Variants in RRAS2 observed in about 807,000 individuals in gnomAD.
RRAS2 encodes the protein RAS related 2, also known as ras-related protein R-Ras2.
RRAS2 carries 7 observed loss-of-function variants against 27.6 expected under a neutral mutation model. That is an observed-to-expected ratio of 0.25 (90% CI 0.14 to 0.48). The LOEUF is 0.48. RRAS2 is among the 20% of genes least tolerant of loss of function. The pLI, the probability that RRAS2 is intolerant of heterozygous loss-of-function variation, is 0.99. For missense variants in RRAS2, 178 were observed against 256.2 expected (o/e 0.69, Z 2.08); for synonymous variants, 86 against 90.9 (o/e 0.95, Z 0.31).
At chr11:14,328,367 A>C (rs1848411310) in intron 1 of RRAS2, among the ~76,000 whole-genome samples, 1 of 11,362 alleles carries the variant, frequency 8.8e-5, no homozygotes, top group Non-Finnish European at 4.9e-4. Flanking sequence ...ACTCCAACTC[A>C]AAAAAAAAAA....
intron 1 of RRAS2, among the ~76,000 whole-genome samples, chr11:14,336,835 T>G (rs1848597488): frequency 6.6e-6 from 1 of 152,126 alleles, no homozygotes; most frequent in Admixed American, 6.5e-5. Flanking sequence ...AAATAACAGC[T>G]GAAAACTTCC....
intron 1 of RRAS2, among the ~76,000 whole-genome samples, chr11:14,331,668 A>G (rs1159057933): frequency 7.0e-6 from 1 of 142,290 alleles, no homozygotes; most frequent in Non-Finnish European, 1.5e-5. Context: ...GAGATCCCCA[A>G]CTCTTAAAAA....
intron 4 of RRAS2, among the ~76,000 whole-genome samples, chr11:14,287,369 A>G (rs868935392): frequency 1.3e-5 from 2 of 152,198 alleles, no homozygotes; most frequent in Non-Finnish European, 2.9e-5. Context: ...TAAAATATAT[A>G]TATATACACA....
intron 1 of RRAS2, among the ~76,000 whole-genome samples, chr11:14,314,490 T>C (rs1261109667): frequency 2.0e-5 from 3 of 152,216 alleles, no homozygotes; most frequent in African/African-American, 7.2e-5. Context: ...TTAACGAATT[T>C]TATTCAAGAG....
chr11:14,357,279 TCTC>T (rs1445595325), intron 1 of RRAS2, among the ~76,000 whole-genome samples: 4 of 152,002 alleles, frequency 2.6e-5, no homozygotes, highest in African/African-American at 4.8e-5. Context: ...CTCCTAGACT[TCTC>T]CTCCACTTAT....
chr11:14,328,668 AT>A (rs375300285), intron 1 of RRAS2, among the ~76,000 whole-genome samples: 222 of 146,234 alleles, frequency 1.5e-3, no homozygotes, highest in African/African-American at 3.6e-3. Context: ...ACATACACCA[AT>A]TTTTTTTTTT....
At chr11:14,329,353 A>T (rs1848438982) in intron 1 of RRAS2, among the ~76,000 whole-genome samples, 2 of 152,128 alleles carry the variant, frequency 1.3e-5, no homozygotes, top group African/African-American at 4.8e-5. Flanking sequence ...ACCTCAAGTG[A>T]TCCACCCGCC....
chr11:14,324,983 A>G (rs1228085891), intron 1 of RRAS2, among the ~76,000 whole-genome samples: 9 of 152,242 alleles, frequency 5.9e-5, no homozygotes, highest in African/African-American at 2.2e-4. Flanking sequence ...TAAAGGGTTC[A>G]TAAATCTCTA....
intron 4 of RRAS2, among the ~76,000 whole-genome samples, chr11:14,294,141 C>T (rs1554946209): frequency 1.3e-5 from 2 of 152,078 alleles, no homozygotes; most frequent in African/African-American, 4.8e-5. Context: ...TGAAATTATC[C>T]AACTAAGTTA....
chr11:14,279,926 A>G (rs1849476280), intron 5 of RRAS2, among the ~76,000 whole-genome samples: 1 of 152,220 alleles, frequency 6.6e-6, no homozygotes, highest in African/African-American at 2.4e-5. Flanking sequence ...ATGTTAGAAT[A>G]TATCTAATAG....
At chr11:14,334,266 G>T (rs1409849775) in intron 1 of RRAS2, among the ~76,000 whole-genome samples, 1 of 151,948 alleles carries the variant, frequency 6.6e-6, no homozygotes, top group Non-Finnish European at 1.5e-5. Flanking sequence ...TTTAAAAATC[G>T]TTTATTGTTT....
chr11:14,290,170 G>T (rs1218264832), intron 4 of RRAS2, among the ~76,000 whole-genome samples: 1 of 152,184 alleles, frequency 6.6e-6, no homozygotes, highest in Non-Finnish European at 1.5e-5. Flanking sequence ...GTAAAAACCG[G>T]CTGGGCGCAG....
At chr11:14,301,112 T>C (rs894648414) in intron 1 of RRAS2, among the ~76,000 whole-genome samples, 31 of 151,940 alleles carry the variant, frequency 2.0e-4, no homozygotes, top group Middle Eastern at 3.4e-3. Flanking sequence ...TCTAAAACCA[T>C]AGGGTATAGA....
At chr11:14,330,836 A>AT (rs1848467960) in intron 1 of RRAS2, among the ~76,000 whole-genome samples, 1 of 152,348 alleles carries the variant, frequency 6.6e-6, no homozygotes, top group African/African-American at 2.4e-5. Context: ...TAGAAAACTG[A>AT]ATCAACAGGA....
At chr11:14,361,151 G>A (rs1347414216), upstream of RRAS2, among the ~76,000 whole-genome samples, 4 of 152,108 alleles carry the variant, frequency 2.6e-5, no homozygotes, top group Non-Finnish European at 4.4e-5. Context: ...TTAGCTGGGC[G>A]TGGTACACGC....
intron 5 of RRAS2, among the ~76,000 whole-genome samples, chr11:14,280,488 G>A (rs1214088830): frequency 6.6e-6 from 1 of 152,010 alleles, no homozygotes; most frequent in Non-Finnish European, 1.5e-5. Context: ...AGCACTTTGG[G>A]AGGCTGAGGC....
At chr11:14,286,605 T>A (rs766474084) in intron 4 of RRAS2, among the ~76,000 whole-genome samples, 9 of 152,252 alleles carry the variant, frequency 5.9e-5, no homozygotes, top group Non-Finnish European at 1.0e-4. Context: ...CAGTTTAATA[T>A]TCTATTCCAA....
Position 14,358,865 on chromosome 11 carries a change from G to T in RRAS2, c.6C>A (p.Ala2=). 1 of 1,465,428 alleles carries T rather than the reference G, an allele frequency of 6.8e-7. No individual in the cohort carries two copies. Among genetic ancestry groups the T allele is most frequent in the Non-Finnish European group, 9.1e-7 (1 of 1,100,794 alleles). The allele number at this position is 1,465,428 out of a possible 1,614,324, so 90.8% of individuals were successfully genotyped here. M[A]AAGWRDGSGQ... ...CGGAGCCGTCCCGCCAGCCGGCCGC[G>T]GCCATGGGGACGCTACAGAGCCCAG... Residue 2 remains alanine (A), a synonymous_variant, in exon 1 of 6, where the codon GCC becomes GCA. Transcript: ENST00000256196. The surrounding 1 kb of genome is among the most constrained non-coding windows in gnomAD (Gnocchi z 5.1).
chr11:14,279,322 A>G lies in RRAS2; in HGVS notation c.*15T>C. On this transcript the variant is annotated 3_prime_UTR_variant, in exon 6 of 6. Coordinates refer to ENST00000256196, the MANE Select transcript of RRAS2 (RefSeq NM_012250.6). Reference sequence around the variant, plus strand: ...GGGCTTTTCCTGGCCGTTGGTAGCTAAAACTGAAGGGATTCTAGAAAATGA... The same window carrying G: ...GGGCTTTTCCTGGCCGTTGGTAGCTGAAACTGAAGGGATTCTAGAAAATGA... 6.3e-7 allele frequency: 1 copy of G among 1,577,310 alleles called. No individual in the cohort carries two copies. Among genetic ancestry groups the G allele is most frequent in the South Asian group, 1.1e-5 (1 of 90,272 alleles).
Sources: gnomAD v4.1 joint callset for allele counts (sites outside exome capture counted in the v4.1 genomes callset) on GRCh38, gnomAD v4.1.1 for gene constraint, Gnocchi (gnomAD v3.1) non-coding constraint, MANE v1.5 for transcripts, NCBI Gene and HGNC (gene_info 2026-07-23, HGNC 2026-07-21) for gene names.